The following PSD3 variants were observed in gnomAD, a reference collection of about 807,000 sequenced individuals.
PSD3 encodes PH and SEC7 domain-containing protein 3.
Under a neutral mutation model 105.5 loss-of-function variants are expected in PSD3, and 49 were observed. The ratio of observed to expected loss-of-function variants is 0.46; its 90% confidence interval spans 0.37 to 0.59. The LOEUF (loss-of-function observed/expected upper bound fraction) is 0.59, where lower values mean the gene tolerates loss of function less well. Ranked by LOEUF, PSD3 falls within the 20% of genes least tolerant of loss-of-function variation. The pLI is 0.00. For synonymous variants in PSD3, 557 were observed against 457.8 expected, an observed-to-expected ratio of 1.22 and a Z score of -2.77; for missense variants, 1,561 against 1,263.8, an observed-to-expected ratio of 1.24 and a Z score of -3.57.
At chr8:18,599,724 T>C (rs1260977202) in intron 12 of PSD3, among the ~76,000 whole-genome samples, 1 of 152,058 alleles carries the variant, frequency 6.6e-6, no homozygotes, top group Non-Finnish European at 1.5e-5. Flanking sequence ...GAAACCCGAG[T>C]ATGCAGAAGC....
chr8:18,691,888 T>TA (rs1422636835), intron 9 of PSD3, among the ~76,000 whole-genome samples: 5 of 152,146 alleles, frequency 3.3e-5, no homozygotes, highest in South Asian at 2.1e-4. Context: ...GCATTTTTTC[T>TA]AAAAAAAGAT....
intron 2 of PSD3, among the ~76,000 whole-genome samples, chr8:18,909,103 T>C (rs1820036248): frequency 6.6e-6 from 1 of 152,222 alleles, no homozygotes; most frequent in Non-Finnish European, 1.5e-5. Context: ...ATTTCAGATA[T>C]TTAGCAATCA....
At chr8:18,607,159 T>C (rs940173103) in intron 11 of PSD3, among the ~76,000 whole-genome samples, 2 of 152,118 alleles carry the variant, frequency 1.3e-5, no homozygotes, top group Non-Finnish European at 1.5e-5. Context: ...AACCAGGTAC[T>C]TTCTCTAATC....
At chr8:18,638,178 T>G (rs1167903830) in intron 10 of PSD3, among the ~76,000 whole-genome samples, 1 of 149,398 alleles carries the variant, frequency 6.7e-6, no homozygotes, top group Non-Finnish European at 1.5e-5. Flanking sequence ...AAAAAAAGAT[T>G]CAGTACTGTT....
intron 15 of PSD3, among the ~76,000 whole-genome samples, chr8:18,549,789 C>A (rs920136430): frequency 3.9e-5 from 6 of 152,160 alleles, no homozygotes; most frequent in Non-Finnish European, 8.8e-5. Flanking sequence ...CATTCCTGAA[C>A]TGAAATATTT....
At chr8:18,874,900 AATTT>A (rs1817631552) in intron 2 of PSD3, among the ~76,000 whole-genome samples, 1 of 152,068 alleles carries the variant, frequency 6.6e-6, no homozygotes, top group Non-Finnish European at 1.5e-5. Flanking sequence ...GTTGTAAAAT[AATTT>A]GAAATATATA....
At chr8:18,662,145 T>A (rs1171293840) in intron 9 of PSD3, among the ~76,000 whole-genome samples, 2 of 152,170 alleles carry the variant, frequency 1.3e-5, no homozygotes, top group Admixed American at 1.3e-4. Flanking sequence ...TGAATAGATG[T>A]CCCAGCACAA....
chr8:18,591,081 C>T (rs1009594253), intron 12 of PSD3, among the ~76,000 whole-genome samples: 6 of 152,088 alleles, frequency 3.9e-5, no homozygotes, highest in Admixed American at 6.6e-5. Context: ...ACCAAAATAC[C>T]TACTAAGACA....
intron 1 of PSD3, among the ~76,000 whole-genome samples, chr8:18,948,427 TA>T (rs2129469887): frequency 6.6e-6 from 1 of 152,248 alleles, no homozygotes; most frequent in South Asian, 2.1e-4. Context: ...CAGCCCAGCA[TA>T]ATCAGGATCC....
chr8:18,944,923 T>C (rs1381297922), intron 1 of PSD3, among the ~76,000 whole-genome samples: 1 of 152,218 alleles, frequency 6.6e-6, no homozygotes, highest in Non-Finnish European at 1.5e-5. Flanking sequence ...ATTTTCCATC[T>C]GCCCTAGAAT....
chr8:19,033,113 A>ACAAACAAG (rs1404496779), intron 1 of PSD3, among the ~76,000 whole-genome samples: 2 of 151,916 alleles, frequency 1.3e-5, no homozygotes, highest in Non-Finnish European at 2.9e-5. Flanking sequence ...AAACAAACAA[A>ACAAACAAG]CGGAACAAAA....
intron 1 of PSD3, among the ~76,000 whole-genome samples, chr8:19,062,525 T>G (rs1828938988): frequency 6.6e-6 from 1 of 152,200 alleles, no homozygotes; most frequent in Non-Finnish European, 1.5e-5. Flanking sequence ...TACACAATTT[T>G]TGTCATATAT....
chr8:18,831,084 CT>C (rs1563322951), intron 4 of PSD3, among the ~76,000 whole-genome samples: 1 of 152,134 alleles, frequency 6.6e-6, no homozygotes, highest in Non-Finnish European at 1.5e-5. Context: ...CTGACGTTTG[CT>C]TCTGTGCCTC....
rs540301977 is a variant in PSD3, at chr8:18,918,483, G to A, written c.130+17551C>T. On this transcript the variant is annotated intron_variant, in intron 2 of 15. Transcript: ENST00000327040. ...TCCAACCAGACTTCACAGTCAGGCT[G>A]TAGGCTTCATATTTCTACCTCTAGC... is the stretch of plus-strand genomic sequence containing the variant. 5.5e-4 allele frequency among the ~76,000 whole-genome samples: 84 copies of A among 152,280 alleles called. 2 individuals carry two copies. In the South Asian group the frequency reaches 0.017, roughly 30 times the overall value.
chr8:18,894,329 G>A (rs530507739), intron 2 of PSD3, among the ~76,000 whole-genome samples: 117 of 152,066 alleles, frequency 7.7e-4, no homozygotes, highest in Non-Finnish European at 1.4e-3. Flanking sequence ...CACATGAAGC[G>A]GCACATGAAA....
intron 8 of PSD3, among the ~76,000 whole-genome samples, chr8:18,791,800 T>C (rs1809744776): frequency 6.6e-6 from 1 of 152,138 alleles, no homozygotes. Context: ...ACCTACAGAA[T>C]GCGAGAAAAA....
chr8:18,660,214 G>C (rs1585534129), intron 9 of PSD3, among the ~76,000 whole-genome samples: 1 of 152,128 alleles, frequency 6.6e-6, no homozygotes, highest in Non-Finnish European at 1.5e-5. Context: ...AGAAAGAAAA[G>C]AAGGCAACAT....
At chr8:18,567,756 G>C (rs529223792) in intron 14 of PSD3, among the ~76,000 whole-genome samples, 14 of 152,164 alleles carry the variant, frequency 9.2e-5, no homozygotes, top group Admixed American at 3.9e-4. Flanking sequence ...CATCAAAGAA[G>C]GCCAATGTGG....
At chr8:18,605,170 A>T (rs1804727203) in intron 11 of PSD3, among the ~76,000 whole-genome samples, 1 of 152,186 alleles carries the variant, frequency 6.6e-6, no homozygotes. Context: ...GAAAAACCGA[A>T]GGCAGTCAAT....
Sources: gnomAD v4.1 joint callset for allele counts (sites outside exome capture counted in the v4.1 genomes callset) on GRCh38, gnomAD v4.1.1 for gene constraint, MANE v1.5 for transcripts, NCBI Gene and HGNC (gene_info 2026-07-23, HGNC 2026-07-21) for gene names.